The following AFF3 variants were observed in gnomAD, a reference collection of about 807,000 sequenced individuals.
The protein encoded by AFF3 is ALF transcription elongation factor 3.
AFF3 carries 32 observed loss-of-function variants against 129.7 expected under a neutral mutation model. The observed-to-expected ratio is 0.25, with a 90% CI of 0.19 to 0.33. The LOEUF is 0.33. Among genes scored for constraint, AFF3 ranks in the 10% least tolerant of loss-of-function variants. The probability of loss-of-function intolerance (pLI) is 1.00; values close to 1 mark genes in which losing one functional copy is unlikely to be tolerated. For missense variants in AFF3, 1,373 were observed against 1,592.0 expected (o/e 0.86, Z 2.34); for synonymous variants, 644 against 635.4 (o/e 1.01, Z -0.20).
chr2:99,671,696 A>C (rs1018149051), intron 12 of AFF3, among the ~76,000 whole-genome samples: 1 of 152,190 alleles, frequency 6.6e-6, no homozygotes, highest in Non-Finnish European at 1.5e-5. Flanking sequence ...TGACTTATTA[A>C]AAAAAGCCTC....
chr2:99,704,372 A>G (rs993900258), intron 11 of AFF3, among the ~76,000 whole-genome samples: 1 of 152,154 alleles, frequency 6.6e-6, no homozygotes, highest in African/African-American at 2.4e-5. Flanking sequence ...CCTTAAAGTC[A>G]TCAGTGGCTG....
At chr2:99,646,650 C>A (rs17782408) in intron 13 of AFF3, among the ~76,000 whole-genome samples, 5,337 of 152,176 alleles carry the variant, frequency 0.035, 115 homozygotes, top group Non-Finnish European at 0.043. Flanking sequence ...AATTCCTTTC[C>A]CACCCTGAGG....
intron 8 of AFF3, among the ~76,000 whole-genome samples, chr2:99,814,349 A>G (rs1005987089): frequency 6.6e-6 from 1 of 152,084 alleles, no homozygotes; most frequent in Non-Finnish European, 1.5e-5. Context: ...GAATGGCCTG[A>G]GATATAGCAC....
At chr2:99,642,692 A>G (rs1575581143) in intron 13 of AFF3, among the ~76,000 whole-genome samples, 1 of 152,140 alleles carries the variant, frequency 6.6e-6, no homozygotes, top group Non-Finnish European at 1.5e-5. Context: ...CCTATCTCCG[A>G]CCCCAGCCAA....
chr2:99,702,099 T>G (rs1425460960), intron 11 of AFF3, among the ~76,000 whole-genome samples: 1 of 152,248 alleles, frequency 6.6e-6, no homozygotes, highest in East Asian at 1.9e-4. Flanking sequence ...CAAGTTGCTG[T>G]GTGAAAATAT....
chr2:99,811,794 A>G (rs1686810580), intron 8 of AFF3, among the ~76,000 whole-genome samples: 1 of 152,246 alleles, frequency 6.6e-6, no homozygotes, highest in South Asian at 2.1e-4. Flanking sequence ...TGGGCACTTC[A>G]TGCACACAGT....
intron 7 of AFF3, among the ~76,000 whole-genome samples, chr2:99,847,049 A>G (rs1689781402): frequency 6.6e-6 from 1 of 152,218 alleles, no homozygotes; most frequent in Non-Finnish European, 1.5e-5. Flanking sequence ...AGCAGGTAGC[A>G]CTGGAAAACA....
chr2:99,642,312 T>C (rs187107318), intron 13 of AFF3, among the ~76,000 whole-genome samples: 91 of 152,194 alleles, frequency 6.0e-4, no homozygotes, highest in Admixed American at 1.8e-3. Context: ...TGAGACTTTC[T>C]TGCCTACTTT....
Position 100,007,458 on chromosome 2 carries a change from A to C in AFF3, c.177T>G (p.Thr59=). ...SYSLFSEPYK[T]NKGDELSNRI... ...GGTTGGAGAGTTCATCCCCCTTGTT[A>C]GTCTGGAGAAAGAAAAACACATCCA... The change falls in exon 6 of 25, where the codon ACT becomes ACG. Residue 59 remains threonine (T), a splice_region_variant and synonymous_variant. Coordinates refer to ENST00000672756, the MANE Select transcript of AFF3 (RefSeq NM_001386135.1). 1 of 1,609,858 alleles carries C rather than the reference A, an allele frequency of 6.2e-7. No homozygotes were observed.
At chr2:99,780,915 C>T (rs975988482) in intron 8 of AFF3, among the ~76,000 whole-genome samples, 1 of 152,274 alleles carries the variant, frequency 6.6e-6, no homozygotes, top group South Asian at 2.1e-4. Flanking sequence ...TGTTCCCTGA[C>T]AAGCCTCTTC....
At chr2:99,818,771 T>G (rs1259858101) in intron 8 of AFF3, among the ~76,000 whole-genome samples, 1 of 152,210 alleles carries the variant, frequency 6.6e-6, no homozygotes, top group Non-Finnish European at 1.5e-5. Context: ...TTGTGAATTC[T>G]CAAAATAAAT....
Position 99,593,566 on chromosome 2 carries a change from A to C in AFF3, c.2095T>G (p.Ser699Ala). Residue 699 changes from serine to alanine, a missense_variant, in exon 15 of 25, where the codon TCT becomes GCT. Physicochemically the swap from Ser to Ala is moderately conservative, Grantham distance 99 (BLOSUM62 1). Coordinates refer to ENST00000672756, the MANE Select transcript of AFF3 (RefSeq NM_001386135.1). Reference protein sequence around the residue: ...PLSKAQTVAASASSGNDQRLK... With the variant: ...PLSKAQTVAAAASSGNDQRLK... The stretch of plus-strand genomic sequence containing the variant: ...CTCTGATCATTCCCGGAGGAGGCAG[A>C]GGCAGCCACGGTCTGTGCTTTGGAC... 1 of 1,613,172 alleles carries C rather than the reference A, an allele frequency of 6.2e-7. No homozygotes were observed. Among genetic ancestry groups the C allele is most frequent in the South Asian group, 1.1e-5 (1 of 91,082 alleles).
At chr2:99,729,165 G>T (rs193158619) in intron 10 of AFF3, among the ~76,000 whole-genome samples, 15 of 152,290 alleles carry the variant, frequency 9.8e-5, no homozygotes, top group Non-Finnish European at 1.8e-4. Flanking sequence ...ATGTAAAACA[G>T]CAGGCTTGGA....
At chr2:99,720,906 CTT>C (rs1358913814) in intron 11 of AFF3, among the ~76,000 whole-genome samples, 3 of 152,128 alleles carry the variant, frequency 2.0e-5, no homozygotes, top group Non-Finnish European at 2.9e-5. Flanking sequence ...AATGTAAAAA[CTT>C]TGCAGTTGTG....
rs1015360571 is a variant in AFF3 at position 99,887,412 on chromosome 2, G to A, written c.874-49888C>T. Among the ~76,000 whole-genome samples the A allele has an allele frequency of 3.3e-5, 5 of 152,300 alleles. No individual in the cohort carries two copies. The South Asian group carries it at 8.3e-4, about 25-fold the overall frequency. On this transcript the variant is annotated intron_variant, in intron 7 of 24. Coordinates refer to ENST00000672756, the MANE Select transcript of AFF3 (RefSeq NM_001386135.1). ...AAGACCCTTAGCCTTTTGTATAACT[G>A]TTCAGTCAGGGGAGTGTTAGCACTG...
intron 7 of AFF3, among the ~76,000 whole-genome samples, chr2:99,928,670 T>C (rs978559682): frequency 2.5e-4 from 38 of 152,284 alleles, no homozygotes; most frequent in Non-Finnish European, 3.4e-4. Context: ...GTTGTGCTCA[T>C]TTGTCAACAG....
rs756251519 is a variant in AFF3 at position 99,601,548 on chromosome 2, C to CGCTGCT, written c.1252_1257dup (p.Ser418_Ser419dup). 8 of 1,598,766 alleles carry CGCTGCT rather than the reference C, an allele frequency of 5.0e-6. No homozygotes were observed. The highest frequency in any genetic ancestry group is 6.8e-6 in the Non-Finnish European group (8 of 1,174,168). ...GAGTCGCTGGAGGAGCTGCTGCTGCCGCTGCTGCTGCTGCTGCTGCTGCCC... is the reference window on the plus strand; with the variant it reads ...GAGTCGCTGGAGGAGCTGCTGCTGCCGCTGCTGCTGCTGCTGCTGCTGCTGCTGCCC... On this transcript the variant is annotated inframe_insertion, in exon 14 of 25. Transcript: ENST00000672756.
intron 13 of AFF3, among the ~76,000 whole-genome samples, chr2:99,648,885 GCACACA>G (rs1185084808): frequency 2.2e-4 from 21 of 93,826 alleles, no homozygotes; most frequent in African/African-American, 5.8e-4. Flanking sequence ...AAACACGCGC[GCACACA>G]CACACACACA....
chr2:99,571,091 A>C (rs1295325094), intron 18 of AFF3, among the ~76,000 whole-genome samples: 1 of 151,988 alleles, frequency 6.6e-6, no homozygotes, highest in Admixed American at 6.6e-5. Flanking sequence ...GATCTTTCCC[A>C]CCCTGTAGTT....
Sources: allele counts gnomAD v4.1 joint callset (sites outside exome capture counted in the v4.1 genomes callset), GRCh38; gene constraint gnomAD v4.1.1; transcripts MANE v1.5; gene names NCBI Gene and HGNC (gene_info 2026-07-23, HGNC 2026-07-21).